The following SHISA9 variants were observed in gnomAD, a reference collection of about 807,000 sequenced individuals.
SHISA9 encodes protein shisa-9.
Under a neutral mutation model 38.0 loss-of-function variants are expected in SHISA9, and 13 were observed. That is an observed-to-expected ratio of 0.34 (90% CI 0.22 to 0.54). The LOEUF (loss-of-function observed/expected upper bound fraction) is 0.54. SHISA9 is among the 20% of genes least tolerant of loss of function. The probability of loss-of-function intolerance (pLI) is 0.91; values close to 1 mark genes in which losing one functional copy is unlikely to be tolerated. For missense variants in SHISA9, 538 were observed against 575.8 expected (o/e 0.93, Z 0.67); for synonymous variants, 275 against 242.0 (o/e 1.14, Z -1.27).
the SHISA9 span, among the ~76,000 whole-genome samples, chr16:13,488,352 G>T: frequency 6.6e-6 from 1 of 152,068 alleles, no homozygotes; most frequent in East Asian, 1.9e-4. Context: ...TTGACCCACT[G>T]TCATACTTCA....
At chr16:13,122,945 G>A (rs1175433602) in intron 2 of SHISA9, among the ~76,000 whole-genome samples, 2 of 151,914 alleles carry the variant, frequency 1.3e-5, no homozygotes, top group Non-Finnish European at 2.9e-5. Context: ...TACCTGGGAG[G>A]CTGAGGCAGG....
chr16:13,021,035 C>T (rs1013414909), intron 2 of SHISA9, among the ~76,000 whole-genome samples: 3 of 152,162 alleles, frequency 2.0e-5, no homozygotes, highest in African/African-American at 7.2e-5. Context: ...TCTCTCGAAT[C>T]TAGAAGGGCT....
At chr16:13,026,772 A>T (rs2072927445) in intron 2 of SHISA9, among the ~76,000 whole-genome samples, 1 of 152,186 alleles carries the variant, frequency 6.6e-6, no homozygotes, top group Non-Finnish European at 1.5e-5. Context: ...CATCATTTTG[A>T]AGACTACCTA....
chr16:13,056,602 T>C (rs1177356751), intron 2 of SHISA9, among the ~76,000 whole-genome samples: 1 of 152,236 alleles, frequency 6.6e-6, no homozygotes, highest in Admixed American at 6.5e-5. Context: ...GGCCAGATTG[T>C]CTGAGTTCAG....
At chr16:13,158,012 A>AG (rs2050562506) in intron 2 of SHISA9, among the ~76,000 whole-genome samples, 1 of 152,314 alleles carries the variant, frequency 6.6e-6, no homozygotes. Flanking sequence ...TATGTCAGAA[A>AG]GGGGTGGTGG....
At chr16:13,392,534 A>G in the SHISA9 span, among the ~76,000 whole-genome samples, 1 of 152,198 alleles carries the variant, frequency 6.6e-6, no homozygotes, top group Non-Finnish European at 1.5e-5. Context: ...GGACTACAGC[A>G]TGGAATCAGC....
At chr16:13,189,963 A>G (rs959185232) in intron 2 of SHISA9, among the ~76,000 whole-genome samples, 2 of 152,214 alleles carry the variant, frequency 1.3e-5, no homozygotes, top group African/African-American at 2.4e-5. Context: ...GAGAAGGGGC[A>G]GAAACTAAAC....
chr16:12,980,719 T>C (rs891614906), intron 2 of SHISA9, among the ~76,000 whole-genome samples: 5 of 152,084 alleles, frequency 3.3e-5, no homozygotes, highest in Admixed American at 3.3e-4. Context: ...ATACTCCATA[T>C]AATTTACCTT....
chr16:13,520,735 G>A, the SHISA9 span, among the ~76,000 whole-genome samples: 250 of 151,888 alleles, frequency 1.6e-3, 1 homozygote, highest in African/African-American at 5.8e-3. Flanking sequence ...GAGGGGAAGG[G>A]GTCTGCGTCC....
At chr16:13,489,406 T>G in the SHISA9 span, among the ~76,000 whole-genome samples, 19,214 of 152,036 alleles carry the variant, frequency 0.13, 1,460 homozygotes, top group African/African-American at 0.21. Context: ...TGACTGTGTG[T>G]GTATATATTT....
At chr16:12,944,173 G>C (rs1406232201) in intron 2 of SHISA9, among the ~76,000 whole-genome samples, 1 of 152,170 alleles carries the variant, frequency 6.6e-6, no homozygotes, top group East Asian at 1.9e-4. Flanking sequence ...TGACTTCCAA[G>C]AGAAGAGGAA....
chr16:13,100,133 C>A (rs1486313926), intron 2 of SHISA9, among the ~76,000 whole-genome samples: 2 of 152,166 alleles, frequency 1.3e-5, no homozygotes, highest in East Asian at 3.9e-4. Context: ...ATAGCTGATT[C>A]CTCAAGAGAA....
rs952192250 is a variant in SHISA9 at position 13,118,161 on chromosome 16, G to A, written c.692-85233G>A. ...CACGCAATTGTACTCCAGCCTGGGC[G>A]ACAGAGCGAGACTTCGTCTAAAAAA... On this transcript the variant is annotated intron_variant, in intron 2 of 4. Transcript: ENST00000558583. Among the ~76,000 whole-genome samples the A allele has an allele frequency of 4.9e-4, 72 of 146,512 alleles. 2 individuals carry two copies. The highest frequency in any genetic ancestry group is 9.8e-4 in the Non-Finnish European group (66 of 67,328).
intron 2 of SHISA9, among the ~76,000 whole-genome samples, chr16:13,020,181 C>T (rs2072834747): frequency 6.6e-6 from 1 of 151,300 alleles, no homozygotes; most frequent in Admixed American, 6.6e-5. Flanking sequence ...CAAGTGCCAC[C>T]ATGCCTGGCT....
the SHISA9 span, among the ~76,000 whole-genome samples, chr16:13,312,192 T>G: frequency 6.6e-6 from 1 of 152,212 alleles, no homozygotes; most frequent in Non-Finnish European, 1.5e-5. Flanking sequence ...ATGCCCCAAG[T>G]GTGCTGCTGT....
chr16:13,379,116 T>A, the SHISA9 span, among the ~76,000 whole-genome samples: 3 of 152,128 alleles, frequency 2.0e-5, no homozygotes, highest in East Asian at 5.8e-4. Flanking sequence ...ACTCTCCCAC[T>A]TCCCAGCTGG....
chr16:12,990,663 G>T (rs1347748910), intron 2 of SHISA9, among the ~76,000 whole-genome samples: 2 of 152,188 alleles, frequency 1.3e-5, no homozygotes, highest in Non-Finnish European at 2.9e-5. Context: ...AACTGGAGGT[G>T]GATGGGGGGT....
chr16:12,933,635 A>G (rs778749597), intron 2 of SHISA9, among the ~76,000 whole-genome samples: 18 of 152,218 alleles, frequency 1.2e-4, no homozygotes, highest in Non-Finnish European at 2.2e-4. Context: ...TAAAAAACAT[A>G]GTTGATATAA....
chr16:13,197,141 A>ATG (rs1198037204), intron 2 of SHISA9, among the ~76,000 whole-genome samples: 3 of 148,878 alleles, frequency 2.0e-5, no homozygotes, highest in Non-Finnish European at 3.0e-5. Context: ...ACACACATAT[A>ATG]TGTGTATATA....
Sources: gnomAD v4.1 joint callset for allele counts (sites outside exome capture counted in the v4.1 genomes callset) on GRCh38, gnomAD v4.1.1 for gene constraint, MANE v1.5 for transcripts, NCBI Gene and HGNC (gene_info 2026-07-23, HGNC 2026-07-21) for gene names.